Variants in RPS6KA2 observed in about 807,000 individuals in gnomAD.
RPS6KA2 encodes ribosomal protein S6 kinase A2.
RPS6KA2 carries 42 observed loss-of-function variants against 91.8 expected under a neutral mutation model. The ratio of observed to expected loss-of-function variants is 0.46; its 90% CI spans 0.36 to 0.59. RPS6KA2 has a LOEUF of 0.59. Ranked by LOEUF, RPS6KA2 falls within the 20% of genes least tolerant of loss-of-function variation. RPS6KA2 has a pLI of 0.00. For missense variants in RPS6KA2, 798 were observed against 978.5 expected (o/e 0.82, Z 2.46); for synonymous variants, 414 against 393.6 (o/e 1.05, Z -0.61).
intron 1 of RPS6KA2, among the ~76,000 whole-genome samples, chr6:166,620,831 CAGA>C (rs1562347156): frequency 6.6e-6 from 1 of 152,168 alleles, no homozygotes; most frequent in African/African-American, 2.4e-5. Context: ...GACAGGTGCT[CAGA>C]AGGATTCAGT....
At chr6:166,692,841 C>T (rs1284563434) in intron 2 of RPS6KA2, among the ~76,000 whole-genome samples, 2 of 152,164 alleles carry the variant, frequency 1.3e-5, no homozygotes, top group Admixed American at 6.5e-5. Context: ...GGAGAGAGAG[C>T]ATGTCGCCTA....
intron 2 of RPS6KA2, among the ~76,000 whole-genome samples, chr6:166,679,810 G>A (rs372730418): frequency 1.6e-4 from 24 of 152,220 alleles, no homozygotes; most frequent in African/African-American, 5.5e-4. Context: ...ACTGGCTGGC[G>A]CGGGTTCCAG....
intron 2 of RPS6KA2, among the ~76,000 whole-genome samples, chr6:166,783,766 A>G (rs879340411): frequency 7.7e-6 from 1 of 129,762 alleles, no homozygotes; most frequent in African/African-American, 3.9e-5. Context: ...ACATATACAC[A>G]TGTGCACATC....
At position 166,445,246 on chromosome 6, in the gene RPS6KA2, GC is replaced by G. The variant is rs1002120789; in HGVS notation, c.1332+3477del. ...CACAGTGGGGTGGGGGTGGGGGGCTGCCCGCAGCACGTGGGGAACACTGAGC... is the reference window on the plus strand; with the variant it reads ...CACAGTGGGGTGGGGGTGGGGGGCTGCCGCAGCACGTGGGGAACACTGAGC... On this transcript the variant is annotated intron_variant, in intron 14 of 20. Coordinates refer to ENST00000265678, the MANE Select transcript of RPS6KA2 (RefSeq NM_021135.6). The surrounding 1 kb of genome is among the most constrained non-coding windows in gnomAD (Gnocchi z 4.5). Among the ~76,000 whole-genome samples, 12 of 152,062 alleles carry G rather than the reference GC, an allele frequency of 7.9e-5. No individual in the cohort carries two copies. Among genetic ancestry groups the G allele is most frequent in the Admixed American group, 6.6e-4 (10 of 15,266 alleles).
chr6:166,515,567 G>A (rs944083566), intron 3 of RPS6KA2, among the ~76,000 whole-genome samples: 2 of 152,212 alleles, frequency 1.3e-5, no homozygotes, highest in Admixed American at 6.5e-5. Context: ...TATCAGCATC[G>A]GCGTGACGTC....
At chr6:166,610,497 T>C (rs1237824611) in intron 1 of RPS6KA2, among the ~76,000 whole-genome samples, 1 of 152,254 alleles carries the variant, frequency 6.6e-6, no homozygotes, top group East Asian at 1.9e-4. Context: ...ACACACTTCA[T>C]GAGGCCAAAC....
rs542416914 is a variant in RPS6KA2 at position 166,754,998 on chromosome 6, C to T, written c.123+103202G>A. On this transcript the variant is annotated intron_variant, in intron 2 of 21. Transcript: ENST00000503859. ...GGTTGGGCTCTGTGATTTCAATGAC[C>T]CCTTCCAGCTTCCAGATTCCACGAG... is the stretch of plus-strand genomic sequence containing the variant. 2.0e-4 allele frequency among the ~76,000 whole-genome samples: 30 copies of T among 152,264 alleles called. No individual in the cohort carries two copies. The South Asian group carries it at 5.6e-3, about 28-fold the overall frequency.
chr6:166,799,768 T>TA (rs1779316295), intron 2 of RPS6KA2, among the ~76,000 whole-genome samples: 1 of 151,802 alleles, frequency 6.6e-6, no homozygotes, highest in Non-Finnish European at 1.5e-5. Flanking sequence ...TATTTTTTTT[T>TA]ATTTTAATAG....
At chr6:166,754,004 C>T (rs752134991) in intron 2 of RPS6KA2, among the ~76,000 whole-genome samples, 4 of 152,260 alleles carry the variant, frequency 2.6e-5, no homozygotes, top group South Asian at 2.1e-4. Context: ...CTGTGCCGTC[C>T]GTCTTCCCGT....
chr6:166,476,467 G>T (rs940954563), intron 10 of RPS6KA2, among the ~76,000 whole-genome samples: 2 of 152,172 alleles, frequency 1.3e-5, no homozygotes, highest in Admixed American at 1.3e-4. Flanking sequence ...CGTGTTTCTC[G>T]CTACACTGTG....
At chr6:166,643,640 C>G (rs1433654433) in intron 2 of RPS6KA2, among the ~76,000 whole-genome samples, 1 of 152,154 alleles carries the variant, frequency 6.6e-6, no homozygotes, top group Admixed American at 6.5e-5. Context: ...CAATATATGT[C>G]TTGGGCCATT....
rs1050842850 is a variant in RPS6KA2, at chr6:166,524,961, G to A, written c.298+6271C>T. ...GCGGAGGTAGCTTTCATCAATTCTC[G>A]CGCTCAGACCAACCAACTTAGAGTC... is the stretch of plus-strand genomic sequence containing the variant. On this transcript the variant is annotated intron_variant, in intron 3 of 20. Coordinates refer to ENST00000265678, the MANE Select transcript of RPS6KA2 (RefSeq NM_021135.6). 2.5e-4 allele frequency among the ~76,000 whole-genome samples: 38 copies of A among 152,248 alleles called. 1 individual carries two copies. Among genetic ancestry groups the A allele is most frequent in the African/African-American group, 8.7e-4 (36 of 41,534 alleles).
chr6:166,838,339 A>C (rs1315678451), intron 2 of RPS6KA2, among the ~76,000 whole-genome samples: 1 of 152,202 alleles, frequency 6.6e-6, no homozygotes, highest in Non-Finnish European at 1.5e-5. Flanking sequence ...CAAGGATGAG[A>C]GTGTCAGCGT....
intron 3 of RPS6KA2, among the ~76,000 whole-genome samples, chr6:166,514,633 C>T (rs1290644573): frequency 6.6e-6 from 1 of 152,178 alleles, no homozygotes; most frequent in Non-Finnish European, 1.5e-5. Flanking sequence ...ACAGGACTTT[C>T]ACACAGCACA....
At position 166,862,106 on chromosome 6, in the gene RPS6KA2, A is replaced by T; in HGVS notation, c.63+2T>A. 1 of 1,614,146 alleles carries T rather than the reference A, an allele frequency of 6.2e-7. No homozygotes were observed. The highest frequency in any genetic ancestry group is 1.1e-5 in the South Asian group (1 of 91,078). ...GAAAAGTGCGTTCTCTCCTGCACTC[A>T]CCTCTATTTCCATAGGCTCCACCTC... On this transcript the variant is annotated splice_donor_variant, in intron 1 of 21. Transcript: ENST00000503859. LOFTEE classifies it high-confidence loss of function.
rs763495871 is a variant in RPS6KA2 at position 166,626,224 on chromosome 6, C to A, written c.99+697G>T. The stretch of plus-strand genomic sequence containing the variant: ...GAAATAAAACACACCACGAGAGAAC[C>A]GTCCACAAGGAAACTCTAAGATGCC... On this transcript the variant is annotated intron_variant, in intron 1 of 20. Coordinates refer to ENST00000265678, the MANE Select transcript of RPS6KA2 (RefSeq NM_021135.6). The surrounding 1 kb of genome is among the most constrained non-coding windows in gnomAD (Gnocchi z 4.1). Among the ~76,000 whole-genome samples the A allele has an allele frequency of 6.6e-6, 1 of 152,176 alleles. No homozygotes were observed.
chr6:166,511,328 G>T (rs1583224517), intron 3 of RPS6KA2, among the ~76,000 whole-genome samples: 1 of 152,078 alleles, frequency 6.6e-6, no homozygotes, highest in Admixed American at 6.5e-5. Flanking sequence ...GAACAGCCAT[G>T]GTCACATTTC....
chr6:166,425,554 G>C (rs148581703), intron 16 of RPS6KA2, among the ~76,000 whole-genome samples: 15,439 of 151,990 alleles, frequency 0.1, 2,417 homozygotes, highest in African/African-American at 0.34. Flanking sequence ...TTCAGGAAAC[G>C]CATCTCACGT....
In RPS6KA2 at chr6:166,662,785, C is replaced by T. The variant is rs911133472; in HGVS notation, c.124-124001G>A. On this transcript the variant is annotated intron_variant, in intron 2 of 21. Coordinates refer to the RPS6KA2 transcript ENST00000503859. This position sits in a 1 kb window ranked among gnomAD's most constrained non-coding sequence, Gnocchi z 4.3. ...GAAGTCCTAACCTCTGGTACTTAGACTGTGACTGTGTGGAGAGAGGACCTT... is the reference window on the plus strand; with the variant it reads ...GAAGTCCTAACCTCTGGTACTTAGATTGTGACTGTGTGGAGAGAGGACCTT... Among the ~76,000 whole-genome samples, 2 of 152,186 alleles carry T rather than the reference C, an allele frequency of 1.3e-5. No homozygotes were observed. Among genetic ancestry groups the T allele is most frequent in the African/African-American group, 4.8e-5 (2 of 41,424 alleles).
Sources: gnomAD v4.1 joint callset for allele counts (sites outside exome capture counted in the v4.1 genomes callset) on GRCh38, gnomAD v4.1.1 for gene constraint, Gnocchi (gnomAD v3.1) non-coding constraint, MANE v1.5 for transcripts, NCBI Gene and HGNC (gene_info 2026-07-23, HGNC 2026-07-21) for gene names.